The following CIROZ variants were observed in gnomAD, a reference collection of about 807,000 sequenced individuals.
CIROZ encodes the protein ciliated left-right organizer ZP-N domains-containing protein.
At chr1:10,960,529 G>T in the CIROZ span, among the ~76,000 whole-genome samples, 1 of 152,264 alleles carries the variant, frequency 6.6e-6, no homozygotes, top group Non-Finnish European at 1.5e-5. This position sits in a 1 kb window ranked among gnomAD's most constrained non-coding sequence, Gnocchi z 4.6. Flanking sequence ...CAGGAGCTCG[G>T]GCAGCCTTCA....
the CIROZ span, among the ~76,000 whole-genome samples, chr1:10,951,036 C>T: frequency 1.3e-5 from 2 of 152,158 alleles, no homozygotes; most frequent in Non-Finnish European, 2.9e-5. Context: ...CTGCCTTATC[C>T]TCCCATGCCC....
chr1:10,959,118 T>A, the CIROZ span, among the ~76,000 whole-genome samples: 1 of 152,144 alleles, frequency 6.6e-6, no homozygotes, highest in African/African-American at 2.4e-5. The surrounding 1 kb of genome is among the most constrained non-coding windows in gnomAD (Gnocchi z 4.3). Context: ...TAAGTCCCAA[T>A]TTCTTTCTCG....
chr1:10,946,506 G>A, the CIROZ span: 1 of 152,178 alleles, frequency 6.6e-6, no homozygotes, highest in Non-Finnish European at 1.5e-5. Flanking sequence ...CTTGTTCCGG[G>A]CGGGCGTTGC....
At chr1:10,950,301 C>A in the CIROZ span, among the ~76,000 whole-genome samples, 1 of 152,154 alleles carries the variant, frequency 6.6e-6, no homozygotes, top group African/African-American at 2.4e-5. Flanking sequence ...TGTTAAAGTG[C>A]TGGGATTACA....
chr1:10,967,054 C>T, the CIROZ span, among the ~76,000 whole-genome samples: 1 of 150,934 alleles, frequency 6.6e-6, no homozygotes, highest in Non-Finnish European at 1.5e-5. Context: ...GAGGTTGAGG[C>T]ACGAGAATCA....
the CIROZ span, chr1:10,947,534 G>A: frequency 1.3e-6 from 1 of 771,558 alleles, no homozygotes; most frequent in Non-Finnish European, 1.9e-6. Context: ...GGCCAGAAGA[G>A]CACCGGGGCT....
chr1:10,975,411 A>G, the CIROZ span, among the ~76,000 whole-genome samples: 1 of 112,472 alleles, frequency 8.9e-6, no homozygotes, highest in Non-Finnish European at 1.6e-5. Flanking sequence ...GTCTCAGAAA[A>G]AAAAAAAAAA....
At chr1:10,980,689 A>G in the CIROZ span, among the ~76,000 whole-genome samples, 7,282 of 152,252 alleles carry the variant, frequency 0.048, 582 homozygotes, top group African/African-American at 0.16. Context: ...GGTGGGGGGT[A>G]GACAGCTCTC....
the CIROZ span, chr1:10,949,555 T>C: frequency 6.5e-7 from 1 of 1,533,128 alleles, no homozygotes; most frequent in African/African-American, 1.4e-5. Context: ...CAGCTGGGTC[T>C]ACCGATACTT....
chr1:10,951,963 C>T, the CIROZ span, among the ~76,000 whole-genome samples: 9 of 152,066 alleles, frequency 5.9e-5, no homozygotes, highest in South Asian at 1.9e-3. Context: ...AATATTCCAA[C>T]ACATTAGTCA....
the CIROZ span, among the ~76,000 whole-genome samples, chr1:10,974,540 G>A: frequency 6.6e-6 from 1 of 152,164 alleles, no homozygotes; most frequent in Admixed American, 6.5e-5. The surrounding 1 kb of genome is among the most constrained non-coding windows in gnomAD (Gnocchi z 4.4). Context: ...CCTGCCTACA[G>A]AGAGGAGCTA....
At chr1:10,979,102 G>C in the CIROZ span, among the ~76,000 whole-genome samples, 1 of 151,980 alleles carries the variant, frequency 6.6e-6, no homozygotes, top group Non-Finnish European at 1.5e-5. Flanking sequence ...AGTGATTCTC[G>C]TGCCTCAGCC....
At chr1:10,967,392 C>T in the CIROZ span, among the ~76,000 whole-genome samples, 1 of 152,156 alleles carries the variant, frequency 6.6e-6, no homozygotes, top group East Asian at 1.9e-4. Flanking sequence ...ATCCACATGG[C>T]TGACTCCCCT....
the CIROZ span, chr1:10,976,296 C>T: frequency 7.8e-7 from 1 of 1,274,644 alleles, no homozygotes; most frequent in Non-Finnish European, 1.1e-6. Flanking sequence ...CATGCACCGC[C>T]CAGCTGCTGC....
the CIROZ span, among the ~76,000 whole-genome samples, chr1:10,979,839 G>C: frequency 6.6e-6 from 1 of 152,190 alleles, no homozygotes; most frequent in African/African-American, 2.4e-5. Context: ...CTTGAGGTCA[G>C]GGGTTTGAGA....
At chr1:10,947,704 G>A in the CIROZ span, 3 of 1,539,564 alleles carry the variant, frequency 1.9e-6, no homozygotes, top group Middle Eastern at 3.5e-4. Flanking sequence ...ACACTGTCTT[G>A]AAGCTCAGGA....
At chr1:10,965,748 G>A in the CIROZ span, among the ~76,000 whole-genome samples, 2 of 151,778 alleles carry the variant, frequency 1.3e-5, no homozygotes, top group East Asian at 1.9e-4. Context: ...GCTTGAACCT[G>A]GGAGGCGGAA....
At chr1:10,979,668 G>A in the CIROZ span, among the ~76,000 whole-genome samples, 2 of 152,140 alleles carry the variant, frequency 1.3e-5, no homozygotes, top group African/African-American at 4.8e-5. Flanking sequence ...CTGTAACCTG[G>A]AAACCACCCC....
the CIROZ span, among the ~76,000 whole-genome samples, chr1:10,977,246 G>A: frequency 3.9e-5 from 6 of 152,020 alleles, no homozygotes; most frequent in African/African-American, 1.2e-4. Context: ...CACTTTGGGA[G>A]GCCGAGGCGG....
Sources: allele counts gnomAD v4.1 joint callset (sites outside exome capture counted in the v4.1 genomes callset), GRCh38; gene constraint gnomAD v4.1.1; non-coding constraint Gnocchi (gnomAD v3.1); transcripts MANE v1.5; gene names NCBI Gene and HGNC (gene_info 2026-07-23, HGNC 2026-07-21).